PRKDC: variants seen among roughly 807,000 people sequenced by gnomAD.
PRKDC encodes DNA-dependent protein kinase catalytic subunit.
In PRKDC, 82 loss-of-function variants were observed where a neutral mutation model predicts 486.9. That is an observed-to-expected ratio of 0.17 (90% CI 0.14 to 0.20). PRKDC has a LOEUF of 0.20. Ranked by LOEUF, PRKDC falls within the 10% of genes least tolerant of loss-of-function variation. PRKDC has a pLI of 1.00. For missense variants in PRKDC, 4,504 were observed against 5,038.2 expected, an observed-to-expected ratio of 0.89 and a Z score of 3.21; for synonymous variants, 1,895 against 1,837.0, an observed-to-expected ratio of 1.03 and a Z score of -0.81.
intron 21 of PRKDC, among the ~76,000 whole-genome samples, 151 bp from the exon 22 acceptor site, chr8:47,918,534 T>C (rs913862788): frequency 1.3e-5 from 2 of 152,322 alleles, no homozygotes; most frequent in Non-Finnish European, 2.9e-5. Flanking sequence ...AAAATATAAA[T>C]GGTGGTTGCT....
chr8:47,919,919 G>C (rs577963554), intron 21 of PRKDC, among the ~76,000 whole-genome samples: 1 of 152,180 alleles, frequency 6.6e-6, no homozygotes, highest in East Asian at 1.9e-4. Context: ...GAAAGTTGTG[G>C]GTTTATTAGA....
chr8:47,948,354 C>T (rs1012911097), intron 7 of PRKDC, among the ~76,000 whole-genome samples: 6 of 151,750 alleles, frequency 4.0e-5, no homozygotes, highest in African/African-American at 1.5e-4. Context: ...GTGATCTGCC[C>T]ACCTCAGCCT....
intron 74 of PRKDC, among the ~76,000 whole-genome samples, chr8:47,793,243 CA>C (rs937424004): frequency 3.9e-5 from 6 of 152,280 alleles, no homozygotes; most frequent in African/African-American, 1.2e-4. Context: ...TTTTTCAAGA[CA>C]ATAGCTGTCT....
In PRKDC at chr8:47,840,089, A is replaced by G; in HGVS notation, c.7381T>C (p.Phe2461Leu). The G allele has an allele frequency of 6.3e-7, 1 of 1,576,688 alleles. No individual in the cohort carries two copies. Among genetic ancestry groups the G allele is most frequent in the African/African-American group, 1.3e-5 (1 of 74,586 alleles). ...LRELLNPVVEFVSHPSTTCRE... is the reference protein window; with the variant it reads ...LRELLNPVVELVSHPSTTCRE... ...CATGTTGTAGAAGGATGGGAAACGA[A>G]TTCCACAACGGGGTTCAGAAGTTCT... Residue 2461 changes from phenylalanine (F) to leucine (L), a missense_variant, in exon 55 of 86, where the codon TTC (phenylalanine) becomes CTC (leucine). Transcript: ENST00000314191.
chr8:47,836,645 T>C, intron 57 of PRKDC, 118 bp from the exon 58 acceptor site: 1 of 920,872 alleles, frequency 1.1e-6, no homozygotes, highest in Non-Finnish European at 1.6e-6. Flanking sequence ...ATTTGTACCA[T>C]AACTTCATAT....
intron 4 of PRKDC, 134 bp downstream of exon 4, chr8:47,955,740 T>C: frequency 1.5e-6 from 1 of 646,280 alleles, no homozygotes; most frequent in African/African-American, 1.8e-5. Flanking sequence ...AGAATGTGCA[T>C]CTTACCCACA....
intron 46 of PRKDC, among the ~76,000 whole-genome samples, 153 bp from the exon 47 acceptor site, chr8:47,859,139 A>G (rs2088615619): frequency 6.6e-6 from 1 of 152,234 alleles, no homozygotes; most frequent in Non-Finnish European, 1.5e-5. Context: ...CACTCACTGT[A>G]CAATTAACAG....
intron 7 of PRKDC, among the ~76,000 whole-genome samples, chr8:47,948,901 G>A (rs1312654100): frequency 1.3e-5 from 2 of 152,204 alleles, no homozygotes; most frequent in Non-Finnish European, 2.9e-5. Context: ...AGCTATATTA[G>A]TTTCCTAGTG....
rs529135053 is a variant in PRKDC, at chr8:47,840,749, C to G, written c.7281-560G>C. Among the ~76,000 whole-genome samples the G allele has an allele frequency of 3.9e-5, 6 of 152,258 alleles. No individual in the cohort carries two copies. The South Asian group carries it at 8.3e-4, about 21-fold the overall frequency. ...CCTTATTTTGACTCCTTATAGCACC[C>G]AGCTGAATGCTTCATACAGTAGATA... On this transcript the variant is annotated intron_variant, in intron 54 of 85. Coordinates refer to ENST00000314191, the MANE Select transcript of PRKDC (RefSeq NM_006904.7).
intron 35 of PRKDC, 48 bp from the exon 36 acceptor site, chr8:47,886,195 T>G (rs369992740): frequency 2.1e-6 from 3 of 1,459,170 alleles, no homozygotes; most frequent in African/African-American, 2.8e-5. Flanking sequence ...CATCTTTGCA[T>G]GGCACAGAAA....
chr8:47,817,076 C>A (rs1236525555), intron 68 of PRKDC, among the ~76,000 whole-genome samples: 4 of 152,102 alleles, frequency 2.6e-5, no homozygotes, highest in African/African-American at 4.8e-5. Context: ...GCAAGAATGT[C>A]AAAAATCCTA....
At chr8:47,846,433 A>G (rs1165930458) in intron 54 of PRKDC, among the ~76,000 whole-genome samples, 1 of 151,278 alleles carries the variant, frequency 6.6e-6, no homozygotes. Context: ...AAAAAAAAAG[A>G]AAAAGAAAAA....
At chr8:47,829,574 A>G (rs1563755879) in intron 61 of PRKDC, among the ~76,000 whole-genome samples, 1 of 152,070 alleles carries the variant, frequency 6.6e-6, no homozygotes. Context: ...CTTATTGTTT[A>G]TTTTAAGTAA....
intron 19 of PRKDC, among the ~76,000 whole-genome samples, chr8:47,928,673 C>G (rs2090197034): frequency 2.0e-5 from 3 of 152,068 alleles, no homozygotes; most frequent in South Asian, 4.2e-4. Flanking sequence ...CTCCCCCAGC[C>G]TCCTAACCTG....
intron 76 of PRKDC, among the ~76,000 whole-genome samples, chr8:47,786,524 T>C (rs1391285299): frequency 1.3e-5 from 2 of 152,130 alleles, no homozygotes; most frequent in Non-Finnish European, 2.9e-5. Flanking sequence ...GTCTAGTTAG[T>C]GGTCTACATC....
rs7828380 is a variant in PRKDC, at chr8:47,799,121, C to G, written c.10297+89G>C. The G allele has an allele frequency of 0.083, 122,134 of 1,468,712 alleles. 9,400 individuals are homozygous for G. Among genetic ancestry groups the G allele is most frequent in the African/African-American group, 0.31 (21,647 of 70,878 alleles). 91.0% of individuals were successfully genotyped at this position (1,468,712 alleles called of 1,614,324 possible). A position where few individuals can be genotyped will look rare whatever the true frequency, so the allele number is the denominator to read the frequency against. ...TTTCAAAATATTTGTAATTTGAAAA[C>G]AAACAAAGAGGAGACCAAAGGTATG... On this transcript the variant is annotated intron_variant, in intron 72 of 85. Coordinates refer to ENST00000314191, the MANE Select transcript of PRKDC (RefSeq NM_006904.7).
intron 22 of PRKDC, 110 bp from the exon 23 acceptor site, chr8:47,915,528 C>T (rs1030902832): frequency 2.4e-5 from 15 of 636,584 alleles, no homozygotes; most frequent in African/African-American, 5.7e-5. Flanking sequence ...TTCCTAGAAC[C>T]GCAGTTCCAA....
chr8:47,928,044 G>A (rs2090182583), intron 19 of PRKDC, among the ~76,000 whole-genome samples, 154 bp from the exon 20 acceptor site: 1 of 151,882 alleles, frequency 6.6e-6, no homozygotes, highest in Admixed American at 6.6e-5. Context: ...CTAACCTCCA[G>A]GAAAGTTAAT....
At chr8:47,943,454 A>C in intron 9 of PRKDC, 88 bp from the exon 10 acceptor site, 1 of 1,351,900 alleles carries the variant, frequency 7.4e-7, no homozygotes. Context: ...TGTCAAAGTC[A>C]ACACTGTGCT....
Sources: allele counts gnomAD v4.1 joint callset (sites outside exome capture counted in the v4.1 genomes callset), GRCh38; gene constraint gnomAD v4.1.1; transcripts MANE v1.5; gene names NCBI Gene and HGNC (gene_info 2026-07-23, HGNC 2026-07-21).